Variants in CIB1 observed in about 807,000 individuals in gnomAD.
CIB1 encodes the protein calcium and integrin-binding protein 1.
A neutral mutation model predicts 25.0 loss-of-function variants in CIB1; 19 were observed. The ratio of observed to expected loss-of-function variants is 0.76; its 90% CI spans 0.53 to 1.12. CIB1 has a LOEUF of 1.12. CIB1 is among the 50% of genes most tolerant of loss of function. The pLI, the probability that CIB1 is intolerant of heterozygous loss-of-function variation, is 0.00. For synonymous variants in CIB1, 104 were observed against 98.5 expected (o/e 1.06, Z -0.33); for missense variants, 236 against 242.6 (o/e 0.97, Z 0.18).
the CIB1 span, chr15:90,245,384 A>T: frequency 6.6e-6 from 1 of 151,446 alleles, no homozygotes; most frequent in Admixed American, 6.6e-5. Context: ...GAGGCAGGAG[A>T]ATCGCTTGGA....
At chr15:90,265,698 C>T in the CIB1 span, 67 of 1,613,006 alleles carry the variant, frequency 4.2e-5, no homozygotes, top group Non-Finnish European at 5.6e-5. Flanking sequence ...CTGCTGAAGG[C>T]TGGTTTGCGT....
the CIB1 span, chr15:90,262,591 G>A: frequency 1.3e-6 from 2 of 1,534,626 alleles, no homozygotes; most frequent in African/African-American, 1.4e-5. Context: ...AATCAGCTGG[G>A]GAGAAAAGCC....
the CIB1 span, chr15:90,262,186 T>C: frequency 6.5e-7 from 1 of 1,530,904 alleles, no homozygotes; most frequent in Non-Finnish European, 8.7e-7. Context: ...GAGAGGAGTG[T>C]GCCAGGTACT....
At chr15:90,256,586 TTTCTTTCTTTCTTTCTTTCTTTCCTTCC>T in the CIB1 span, among the ~76,000 whole-genome samples, 14 of 32,336 alleles carry the variant, frequency 4.3e-4, 1 homozygote, top group African/African-American at 1.4e-3. Flanking sequence ...TCTTTCTTTC[TTTCTTTCTTTCTTTCTTTCTTTCCTTCC>T]TTCCTTCCTT....
At chr15:90,256,063 T>G in the CIB1 span, 1 of 1,573,524 alleles carries the variant, frequency 6.4e-7, no homozygotes, top group Non-Finnish European at 8.7e-7. Flanking sequence ...ATGGACTAGA[T>G]AGCAGGAAGA....
At chr15:90,250,699 G>A in the CIB1 span, 3 of 1,614,160 alleles carry the variant, frequency 1.9e-6, no homozygotes, top group Non-Finnish European at 2.5e-6. Flanking sequence ...AATCTGAGAA[G>A]TGTGTTAAAG....
chr15:90,254,035 T>A, the CIB1 span, among the ~76,000 whole-genome samples: 1 of 152,034 alleles, frequency 6.6e-6, no homozygotes, highest in African/African-American at 2.4e-5. Flanking sequence ...GGAGGTTGGG[T>A]GTGGTGGCTC....
At chr15:90,235,653 C>T (rs1053617148), upstream of CIB1, among the ~76,000 whole-genome samples, 3 of 151,932 alleles carry the variant, frequency 2.0e-5, no homozygotes, top group Non-Finnish European at 2.9e-5. Context: ...CTGCAAGCTC[C>T]GCCTCCTGGG....
chr15:90,258,401 T>G, the CIB1 span: 4 of 794,844 alleles, frequency 5.0e-6, no homozygotes, highest in Non-Finnish European at 8.3e-6. Flanking sequence ...TGGGCAGGAA[T>G]GAGCAGAAGG....
intron 2 of CIB1, chr15:90,232,583 G>A (rs1405507090): frequency 4.2e-6 from 2 of 472,864 alleles, no homozygotes; most frequent in East Asian, 7.0e-5. Context: ...CCCAAGGGAT[G>A]AAGAAGTTGG....
At chr15:90,247,652 A>C in the CIB1 span, among the ~76,000 whole-genome samples, 2 of 150,832 alleles carry the variant, frequency 1.3e-5, no homozygotes, top group Admixed American at 1.3e-4. Flanking sequence ...GGGTTGTAGC[A>C]CTCTATACAT....
the CIB1 span, among the ~76,000 whole-genome samples, chr15:90,251,108 G>T: frequency 8.9e-6 from 1 of 112,812 alleles, no homozygotes; most frequent in African/African-American, 3.5e-5. Context: ...TGTCATCCTG[G>T]TCTGTCTTTT....
chr15:90,247,982 C>A, the CIB1 span, among the ~76,000 whole-genome samples: 1 of 151,992 alleles, frequency 6.6e-6, no homozygotes, highest in African/African-American at 2.4e-5. Context: ...ACCTGGTGAT[C>A]CGCCCACCTT....
At chr15:90,265,140 A>G in the CIB1 span, 1 of 1,224,798 alleles carries the variant, frequency 8.2e-7, no homozygotes, top group Non-Finnish European at 1.1e-6. Flanking sequence ...TCAATACCCT[A>G]AGATTAATTG....
chr15:90,265,718 G>A, the CIB1 span: 7 of 1,613,304 alleles, frequency 4.3e-6, no homozygotes, highest in Non-Finnish European at 5.1e-6. Flanking sequence ...TCGACATGGC[G>A]GTTACCCTGA....
At chr15:90,263,614 C>A in the CIB1 span, 2 of 586,424 alleles carry the variant, frequency 3.4e-6, no homozygotes, top group Middle Eastern at 4.5e-4. Flanking sequence ...TTTGTTGAAC[C>A]CCAAAGGAGT....
At chr15:90,249,280 A>G in the CIB1 span, among the ~76,000 whole-genome samples, 2 of 150,852 alleles carry the variant, frequency 1.3e-5, no homozygotes, top group Non-Finnish European at 2.9e-5. Context: ...TCCTCATTAT[A>G]TGCTTGGCCA....
chr15:90,262,362 CT>C, the CIB1 span: 2 of 1,160,582 alleles, frequency 1.7e-6, no homozygotes, highest in South Asian at 1.7e-5. Flanking sequence ...CTATCTTCCC[CT>C]CTCATTGCTC....
At position 90,230,936 on chromosome 15, in the gene CIB1, G is replaced by C; in HGVS notation, c.552C>G (p.Ala184=). 1 of 1,613,630 alleles carries C rather than the reference G, an allele frequency of 6.2e-7. No homozygotes were observed. Among genetic ancestry groups the C allele is most frequent in the African/African-American group, 1.3e-5 (1 of 75,028 alleles). ...ATGAAGGGGGACCACTGTCATACCT[G>C]GCAAAGTCTGGAGAACGGGAGATGA... ...QHVISRSPDF[A]SSFKIVL Residue 184 remains alanine (A), a splice_region_variant and synonymous_variant, in exon 6 of 7, where the codon GCC becomes GCG. Transcript: ENST00000328649.
Sources: allele counts gnomAD v4.1 joint callset (sites outside exome capture counted in the v4.1 genomes callset), GRCh38; gene constraint gnomAD v4.1.1; transcripts MANE v1.5; gene names NCBI Gene and HGNC (gene_info 2026-07-23, HGNC 2026-07-21).